RIPOR3: variants seen among roughly 807,000 people sequenced by gnomAD.
The protein encoded by RIPOR3 is RIPOR family member 3.
RIPOR3 carries 95 observed loss-of-function variants against 114.3 expected under a neutral mutation model. The ratio of observed to expected loss-of-function variants is 0.83; its 90% confidence interval spans 0.70 to 0.99. The LOEUF (loss-of-function observed/expected upper bound fraction) is 0.99. RIPOR3 is among the 50% of genes least tolerant of loss of function. The pLI is 0.00. For missense variants in RIPOR3, 1,252 were observed against 1,266.9 expected, an observed-to-expected ratio of 0.99 and a Z score of 0.18; for synonymous variants, 575 against 543.8, an observed-to-expected ratio of 1.06 and a Z score of -0.80.
chr20:50,644,645 G>A lies in RIPOR3; in HGVS notation c.4-13789C>T, dbSNP rs1439864511. ...ACTACAGGCATGTGCCACCATGACC[G>A]GCTAATTTCTGTTTTGTTTTTTTTT... On this transcript the variant is annotated intron_variant, in intron 1 of 21. Transcript: ENST00000327979. 5.4e-5 allele frequency among the ~76,000 whole-genome samples: 8 copies of A among 148,646 alleles called. No homozygotes were observed. In the South Asian group the frequency reaches 8.5e-4, roughly 16 times the overall value.
chr20:50,643,939 T>A (rs2085296580), intron 1 of RIPOR3, among the ~76,000 whole-genome samples: 1 of 151,974 alleles, frequency 6.6e-6, no homozygotes, highest in Non-Finnish European at 1.5e-5. Flanking sequence ...GGTCTCGATC[T>A]CCTGACCTCG....
chr20:50,640,097 G>A (rs2085134540), intron 1 of RIPOR3, among the ~76,000 whole-genome samples: 1 of 152,108 alleles, frequency 6.6e-6, no homozygotes, highest in Non-Finnish European at 1.5e-5. Context: ...GTTGGCTACA[G>A]TATTGCTCGG....
intron 3 of RIPOR3, 49 bp downstream of exon 3, chr20:50,619,937 C>T (rs550389632): frequency 9.5e-6 from 15 of 1,575,810 alleles, no homozygotes; most frequent in South Asian, 3.4e-5. Context: ...AGAGAGGAGG[C>T]GAGGTAGAGG....
chr20:50,642,800 G>A (rs2085252154), intron 1 of RIPOR3, among the ~76,000 whole-genome samples: 1 of 151,940 alleles, frequency 6.6e-6, no homozygotes, highest in African/African-American at 2.4e-5. Context: ...TGTAACCCCA[G>A]CACTTTGGGA....
intron 4 of RIPOR3, among the ~76,000 whole-genome samples, chr20:50,612,289 C>T (rs1481495213): frequency 6.6e-6 from 1 of 151,990 alleles, no homozygotes; most frequent in East Asian, 1.9e-4. Context: ...AAGTTTTGTC[C>T]TAACTAAGCA....
rs1457754099 is a variant in RIPOR3 at position 50,605,883 on chromosome 20, A to G, written c.957-1109T>C. ...GTCACAGGTGCAGCCTAGGAACTCC[A>G]GGTTACATGACCTCTACCCCTTTAG... On this transcript the variant is annotated intron_variant, in intron 11 of 21. Transcript: ENST00000327979. Among the ~76,000 whole-genome samples, 4 of 152,060 alleles carry G rather than the reference A, an allele frequency of 2.6e-5. No homozygotes were observed. The South Asian group carries it at 6.2e-4, about 24-fold the overall frequency.
chr20:50,586,735 CT>C lies in RIPOR3; in HGVS notation c.*496del, dbSNP rs1395525366. On this transcript the variant is annotated 3_prime_UTR_variant, in exon 22 of 22. Transcript: ENST00000327979. ...AGCTCACCAAGGTGACACCTGGCTG[CT>C]GCTGAAATGGCCTGAGCAGTCTTGC... 6.4e-6 allele frequency: 1 copy of C among 155,292 alleles called. No homozygotes were observed. Among genetic ancestry groups the C allele is most frequent in the African/African-American group, 2.4e-5 (1 of 41,506 alleles). 9.6% of individuals were successfully genotyped at this position (155,292 alleles called of 1,614,324 possible). A position where few individuals can be genotyped will look rare whatever the true frequency, so the allele number is the denominator to read the frequency against.
chr20:50,595,093 G>C (rs1463245936), intron 16 of RIPOR3: 6 of 517,678 alleles, frequency 1.2e-5, no homozygotes, highest in Non-Finnish European at 2.1e-5. Context: ...CCCGTGCAGT[G>C]CCCTCCTCCT....
intron 1 of RIPOR3, among the ~76,000 whole-genome samples, chr20:50,645,315 T>A (rs2085362251): frequency 6.6e-6 from 1 of 152,146 alleles, no homozygotes; most frequent in African/African-American, 2.4e-5. Context: ...CAAAAATAAA[T>A]CACAGCCAGC....
At chr20:50,652,709 G>A (rs558362093) in intron 1 of RIPOR3, among the ~76,000 whole-genome samples, 74 of 152,152 alleles carry the variant, frequency 4.9e-4, no homozygotes, top group African/African-American at 1.2e-3. Flanking sequence ...AAGTCCTGAC[G>A]GCTGAGCATG....
At chr20:50,652,604 A>AG (rs1227276867) in intron 1 of RIPOR3, among the ~76,000 whole-genome samples, 20 of 150,640 alleles carry the variant, frequency 1.3e-4, no homozygotes, top group African/African-American at 4.6e-4. Flanking sequence ...AAAAAAAAAA[A>AG]AAAAAAAAAG....
chr20:50,638,602 T>TG (rs199943041), intron 1 of RIPOR3, among the ~76,000 whole-genome samples: 216 of 151,788 alleles, frequency 1.4e-3, no homozygotes, highest in Admixed American at 0.011. Flanking sequence ...GAGGCCACTG[T>TG]GGGGTGGCTG....
At chr20:50,638,994 C>A (rs996662018) in intron 1 of RIPOR3, among the ~76,000 whole-genome samples, 2 of 152,156 alleles carry the variant, frequency 1.3e-5, no homozygotes, top group African/African-American at 4.8e-5. Flanking sequence ...ATAATCCCAG[C>A]ACTTTGGGAG....
intron 1 of RIPOR3, among the ~76,000 whole-genome samples, chr20:50,666,184 T>TTTC (rs1555873222): frequency 6.5e-5 from 4 of 61,080 alleles, no homozygotes; most frequent in African/African-American, 3.3e-4. Flanking sequence ...AGGACACCCA[T>TTTC]TTCTTTTCTT....
At chr20:50,686,014 GGAAT>G (rs1408463035) in intron 1 of RIPOR3, among the ~76,000 whole-genome samples, 1 of 152,030 alleles carries the variant, frequency 6.6e-6, no homozygotes, top group Non-Finnish European at 1.5e-5. Flanking sequence ...GAAAAAAATA[GGAAT>G]GAAGTGAATG....
In RIPOR3 at chr20:50,594,575, C is replaced by T; in HGVS notation, c.2190G>A (p.Lys730=). 6.2e-7 allele frequency: 1 copy of T among 1,614,080 alleles called. No homozygotes were observed. The highest frequency in any genetic ancestry group is 2.2e-5 in the East Asian group (1 of 44,874). Residue 730 remains lysine (K), a synonymous_variant, in exon 17 of 22, where the codon AAG becomes AAA. Transcript: ENST00000327979. ...CACCTATTTCCAGCTGTCCTGGGTA[C>T]TTCCCTCTGACTCTGTGCTGGAAGG... ...KKTFQHRVRG[K]YPGQLEIACR...
intron 1 of RIPOR3, among the ~76,000 whole-genome samples, chr20:50,673,300 G>A (rs542241449): frequency 2.6e-5 from 4 of 152,286 alleles, no homozygotes; most frequent in South Asian, 2.1e-4. Flanking sequence ...TGGTCCCTAC[G>A]TTAGGGAGGG....
At chr20:50,594,477 G>A in intron 17 of RIPOR3, 76 bp downstream of exon 17, 1 of 1,526,786 alleles carries the variant, frequency 6.5e-7, no homozygotes, top group Non-Finnish European at 8.9e-7. Context: ...GAGGCCAGCT[G>A]TGGCCACCCT....
At position 50,602,588 on chromosome 20, in the gene RIPOR3, G is replaced by C. The variant is rs774612470; in HGVS notation, c.1143C>G (p.Thr381=). Residue 381 remains threonine, a synonymous_variant, in exon 13 of 22, where the codon ACC becomes ACG. Coordinates refer to ENST00000327979, the MANE Select transcript of RIPOR3 (RefSeq NM_001290268.2). This position sits in a 1 kb window ranked among gnomAD's most constrained non-coding sequence, Gnocchi z 4.3. ...QALLLGGPRA[T]SILSYLSDSD... ...TGTCAGACAGGTAGCTGAGGATGGA[G>C]GTGGCCCTTGGGCCACCCAGCAGCA... 3.9e-6 allele frequency: 6 copies of C among 1,519,928 alleles called. No individual in the cohort carries two copies. The Admixed American group carries it at 1.3e-4, about 34-fold the overall frequency. 94.2% of individuals were successfully genotyped at this position (1,519,928 alleles called of 1,614,324 possible). A position where few individuals can be genotyped will look rare whatever the true frequency, so the allele number is the denominator to read the frequency against.
Sources: gnomAD v4.1 joint callset for allele counts (sites outside exome capture counted in the v4.1 genomes callset) on GRCh38, gnomAD v4.1.1 for gene constraint, Gnocchi (gnomAD v3.1) non-coding constraint, MANE v1.5 for transcripts, NCBI Gene and HGNC (gene_info 2026-07-23, HGNC 2026-07-21) for gene names.